Variants in ADAP1 observed in about 807,000 individuals in gnomAD.
The protein encoded by ADAP1 is ArfGAP with dual PH domains 1.
In ADAP1, 31 loss-of-function variants were observed where a neutral mutation model predicts 54.9. That is an observed-to-expected ratio of 0.56 (90% confidence interval 0.42 to 0.76). The LOEUF (loss-of-function observed/expected upper bound fraction) is 0.76. Among genes scored for constraint, ADAP1 ranks in the 30% least tolerant of loss-of-function variants. The pLI is 0.00. For missense variants in ADAP1, 535 were observed against 512.4 expected, an observed-to-expected ratio of 1.04 and a Z score of -0.42; for synonymous variants, 313 against 202.6, an observed-to-expected ratio of 1.55 and a Z score of -4.63.
intron 4 of ADAP1, among the ~76,000 whole-genome samples, chr7:916,468 G>A (rs1845936574): frequency 6.6e-6 from 1 of 152,206 alleles, no homozygotes; most frequent in African/African-American, 2.4e-5. Context: ...CCCAGCCCAT[G>A]CCTGCCTCTG....
chr7:926,745 C>A lies in ADAP1; in HGVS notation c.214-101G>T. Reference sequence around the variant, plus strand: ...CCGTCACCACAGTGACCCGCAGACCCAAGGCTCTGAGGGCTCCACCAGCAC... The same window carrying A: ...CCGTCACCACAGTGACCCGCAGACCAAAGGCTCTGAGGGCTCCACCAGCAC... On this transcript the variant is annotated intron_variant, in intron 2 of 10. Coordinates refer to ENST00000265846, the MANE Select transcript of ADAP1 (RefSeq NM_006869.4). This position sits in a 1 kb window ranked among gnomAD's most constrained non-coding sequence, Gnocchi z 4.6. 1.0e-6 allele frequency: 1 copy of A among 994,266 alleles called. No individual in the cohort carries two copies. Among genetic ancestry groups the A allele is most frequent in the Non-Finnish European group, 1.4e-6 (1 of 699,560 alleles). The allele number at this position is 994,266 out of a possible 1,614,324, so 61.6% of individuals were successfully genotyped here.
At chr7:923,645 A>G (rs1846266692) in intron 3 of ADAP1, among the ~76,000 whole-genome samples, 2 of 151,936 alleles carry the variant, frequency 1.3e-5, no homozygotes, top group South Asian at 4.1e-4. Context: ...GCCTCTGCTT[A>G]GCTGGAGGTG....
At position 898,873 on chromosome 7, in the gene ADAP1, C is replaced by T. The variant is rs376274002; in HGVS notation, c.*48G>A. ...AGCCCCCCCATCCACGGGTCCCCTC[C>T]GTCCAGCCACAGTGAGTCCAATGTC... is the stretch of plus-strand genomic sequence containing the variant. On this transcript the variant is annotated 3_prime_UTR_variant, in exon 11 of 11. Transcript: ENST00000265846. 157 of 1,567,188 alleles carry T rather than the reference C, an allele frequency of 1.0e-4. 1 individual carries two copies. Among genetic ancestry groups the T allele is most frequent in the South Asian group, 6.2e-4 (53 of 85,734 alleles).
chr7:954,713 C>T, upstream of ADAP1: 1 of 981,654 alleles, frequency 1.0e-6, no homozygotes, highest in Non-Finnish European at 1.2e-6. Flanking sequence ...ACGCTGCGCT[C>T]TGGCCGGCAA....
chr7:909,650 C>T (rs1330943008), intron 4 of ADAP1, among the ~76,000 whole-genome samples: 1 of 152,238 alleles, frequency 6.6e-6, no homozygotes, highest in South Asian at 2.1e-4. Flanking sequence ...CAGCAACAGC[C>T]AGTGAGACGG....
rs201989454 is a variant in ADAP1, at chr7:899,157, G to T, written c.972C>A (p.Gly324=). Residue 324 remains glycine, a synonymous_variant, in exon 10 of 11, where the codon GGC becomes GGA. Transcript: ENST00000265846. The part of the protein sequence containing the change: ...PSTQGHHWPH[G]ITIVTPDRKF... ...TGCGGTCGGGCGTGACGATGGTGAT[G>T]CCATGTGGCCAGTGGTGGCCCTGGG... 2 of 1,611,482 alleles carry T rather than the reference G, an allele frequency of 1.2e-6. No individual in the cohort carries two copies. The highest frequency in any genetic ancestry group is 1.3e-5 in the African/African-American group (1 of 74,950).
At chr7:932,437 G>A (rs923152888) in intron 2 of ADAP1, among the ~76,000 whole-genome samples, 1 of 152,152 alleles carries the variant, frequency 6.6e-6, no homozygotes, top group African/African-American at 2.4e-5. Context: ...CAATAGCCAC[G>A]TCTTCTCCCC....
chr7:901,009 C>T, intron 6 of ADAP1: 1 of 483,338 alleles, frequency 2.1e-6, no homozygotes, highest in Admixed American at 2.3e-5. Flanking sequence ...TATGAAGATC[C>T]TTATTTTGTA....
chr7:905,442 AG>A (rs1469765550), intron 4 of ADAP1: 12 of 75,428 alleles, frequency 1.6e-4, no homozygotes, highest in East Asian at 4.4e-4. Context: ...GGAGAAAGGG[AG>A]AAAGGGAGAA....
At chr7:925,509 C>A (rs928484035) in intron 3 of ADAP1, among the ~76,000 whole-genome samples, 1 of 141,878 alleles carries the variant, frequency 7.0e-6, no homozygotes, top group South Asian at 2.6e-4. Context: ...CAGGGGCCTT[C>A]GGATCCAGTG....
upstream of ADAP1, chr7:955,179 A>C (rs1554279176): frequency 1.1e-6 from 1 of 918,648 alleles, no homozygotes; most frequent in Non-Finnish European, 1.7e-6. Context: ...CCAGCCGCCC[A>C]CCACCCACAG....
chr7:913,062 G>A (rs953803321), intron 4 of ADAP1, among the ~76,000 whole-genome samples: 1 of 152,146 alleles, frequency 6.6e-6, no homozygotes, highest in East Asian at 1.9e-4. Flanking sequence ...CCAGGCTGGT[G>A]TTGAACTCCT....
In ADAP1 at chr7:938,711, A is replaced by C. The variant is rs1846853375; in HGVS notation, c.83-3206T>G. Among the ~76,000 whole-genome samples the C allele has an allele frequency of 6.6e-6, 1 of 152,180 alleles. No homozygotes were observed. The highest frequency in any genetic ancestry group is 2.4e-5 in the African/African-American group (1 of 41,444). ...GGATGGGACAGCACGAGCCACTTAC[A>C]GGGGTAGCAGGCAACATGAGCCCAG... is the stretch of plus-strand genomic sequence containing the variant. On this transcript the variant is annotated intron_variant, in intron 1 of 10. Transcript: ENST00000265846. This position sits in a 1 kb window ranked among gnomAD's most constrained non-coding sequence, Gnocchi z 4.4.
At chr7:919,068 C>T (rs1037560530) in intron 4 of ADAP1, among the ~76,000 whole-genome samples, 4 of 152,150 alleles carry the variant, frequency 2.6e-5, no homozygotes, top group South Asian at 4.1e-4. Context: ...TGCCTCCCAG[C>T]GCCCACCTCC....
Position 906,746 on chromosome 7 carries a change from T to TCGGGG in ADAP1, c.389-1575_389-1574insCCCCG, listed in dbSNP as rs1845450020. 2.2e-4 allele frequency among the ~76,000 whole-genome samples: 5 copies of TCGGGG among 23,234 alleles called. 2 individuals are homozygous for TCGGGG. The highest frequency in any genetic ancestry group is 9.8e-4 in the African/African-American group (5 of 5,080). The allele number at this position is 23,234 out of a possible 152,430, so 15.2% of individuals were successfully genotyped here. On this transcript the variant is annotated intron_variant, in intron 4 of 10. Coordinates refer to ENST00000265846, the MANE Select transcript of ADAP1 (RefSeq NM_006869.4). ...GACGGGACATGGGGGACAGAGTACA[T>TCGGGG]AGGGGACATGGACAGGGGACATGGG...
intron 2 of ADAP1, among the ~76,000 whole-genome samples, chr7:934,340 C>T (rs1846679690): frequency 7.3e-6 from 1 of 136,964 alleles, no homozygotes; most frequent in South Asian, 2.6e-4. Flanking sequence ...GAACCAGGGG[C>T]TGGGATCAGT....
rs565335547 is a variant in ADAP1 at position 903,933 on chromosome 7, G to C, written c.648+193C>G. ...CACCTGTCTTCCCATGCTGCCCGGC[G>C]CCAGTGCCCACACTCCCACACGTCC... On this transcript the variant is annotated intron_variant, in intron 6 of 10. Transcript: ENST00000265846. 1.2e-5 allele frequency: 8 copies of C among 650,854 alleles called. No individual in the cohort carries two copies. In the Admixed American group the frequency reaches 2.0e-4, roughly 16 times the overall value. 40.3% of individuals were successfully genotyped at this position (650,854 alleles called of 1,614,324 possible).
At position 904,979 on chromosome 7, in the gene ADAP1, G is replaced by A. The variant is rs529288242; in HGVS notation, c.501+81C>T. ...GCAGGGAGGGCAGCTGCGGATGGAC[G>A]CGGCCACCACAGGCCCCAGTGTGGG... On this transcript the variant is annotated intron_variant, in intron 5 of 10. Transcript: ENST00000265846. The A allele has an allele frequency of 4.9e-3, 6,131 of 1,250,632 alleles. 25 individuals are homozygous for A. The highest frequency in any genetic ancestry group is 7.5e-3 in the Middle Eastern group (35 of 4,648). The allele number at this position is 1,250,632 out of a possible 1,614,324, so 77.5% of individuals were successfully genotyped here.
chr7:899,970 C>T, intron 8 of ADAP1, 132 bp downstream of exon 8: 2 of 1,121,672 alleles, frequency 1.8e-6, no homozygotes, highest in South Asian at 1.4e-5. Context: ...CAGGCACAGA[C>T]AAGGGGCTGT....
Sources: allele counts gnomAD v4.1 joint callset (sites outside exome capture counted in the v4.1 genomes callset), GRCh38; gene constraint gnomAD v4.1.1; non-coding constraint Gnocchi (gnomAD v3.1); transcripts MANE v1.5; gene names NCBI Gene and HGNC (gene_info 2026-07-23, HGNC 2026-07-21).